NBEA: variants seen among roughly 807,000 people sequenced by gnomAD.
NBEA encodes the protein lysosomal-trafficking regulator 2.
In NBEA, 44 loss-of-function variants were observed where a neutral mutation model predicts 343.4. The ratio of observed to expected loss-of-function variants is 0.13; its 90% CI spans 0.10 to 0.16. The LOEUF (loss-of-function observed/expected upper bound fraction) is 0.16. Ranked by LOEUF, NBEA falls within the 10% of genes least tolerant of loss-of-function variation. The pLI, the probability that NBEA is intolerant of heterozygous loss-of-function variation, is 1.00. For missense variants in NBEA, 2,555 were observed against 3,631.3 expected (o/e 0.70, Z 7.62); for synonymous variants, 1,175 against 1,238.7 (o/e 0.95, Z 1.08).
chr13:35,034,864 A>G (rs1203060863), intron 1 of NBEA, among the ~76,000 whole-genome samples: 1 of 151,878 alleles, frequency 6.6e-6, no homozygotes, highest in Admixed American at 6.6e-5. Context: ...TTTTTGTAGT[A>G]TCAGTTGTAA....
chr13:35,422,750 T>A (rs1214847536), intron 38 of NBEA, among the ~76,000 whole-genome samples: 1 of 152,196 alleles, frequency 6.6e-6, no homozygotes, highest in Admixed American at 6.5e-5. Flanking sequence ...GTTGAACTAG[T>A]TTACAGTCCC....
At chr13:34,977,238 C>G (rs577360965) in intron 1 of NBEA, among the ~76,000 whole-genome samples, 1 of 151,982 alleles carries the variant, frequency 6.6e-6, no homozygotes, top group African/African-American at 2.4e-5. Flanking sequence ...CTGCGCCCAG[C>G]TAGACCTATT....
intron 18 of NBEA, among the ~76,000 whole-genome samples, chr13:35,143,368 T>C (rs1010367340): frequency 6.6e-6 from 1 of 152,196 alleles, no homozygotes; most frequent in African/African-American, 2.4e-5. Context: ...ACCACTTGTA[T>C]TGCCAAACCT....
intron 38 of NBEA, among the ~76,000 whole-genome samples, chr13:35,401,248 G>T (rs1157841144): frequency 6.6e-6 from 1 of 151,942 alleles, no homozygotes; most frequent in Non-Finnish European, 1.5e-5. Flanking sequence ...ATAGAGCAAT[G>T]ATAAGACAGA....
chr13:35,298,145 A>G (rs554727042), intron 35 of NBEA, among the ~76,000 whole-genome samples: 1 of 149,806 alleles, frequency 6.7e-6, no homozygotes, highest in Admixed American at 6.7e-5. Context: ...AGAAAATGTT[A>G]TTAAAAATAT....
intron 39 of NBEA, among the ~76,000 whole-genome samples, chr13:35,441,794 A>T (rs1232896640): frequency 4.6e-5 from 7 of 151,804 alleles, no homozygotes; most frequent in Admixed American, 4.6e-4. Flanking sequence ...GGAATGGAAA[A>T]AGGTTAAAAC....
At chr13:35,519,590 A>G (rs1463576665) in intron 41 of NBEA, among the ~76,000 whole-genome samples, 1 of 152,236 alleles carries the variant, frequency 6.6e-6, no homozygotes, top group Non-Finnish European at 1.5e-5. Flanking sequence ...TAATGTAGAC[A>G]TGAATATTTC....
intron 18 of NBEA, among the ~76,000 whole-genome samples, chr13:35,149,455 G>A (rs1429789275): frequency 6.6e-6 from 1 of 152,062 alleles, no homozygotes; most frequent in Non-Finnish European, 1.5e-5. Context: ...TGTATGTCAT[G>A]CCACTAATAA....
intron 36 of NBEA, among the ~76,000 whole-genome samples, chr13:35,344,200 T>C (rs889309091): frequency 6.6e-6 from 1 of 152,096 alleles, no homozygotes; most frequent in Non-Finnish European, 1.5e-5. Flanking sequence ...ACATAAAAAG[T>C]ATTTAGACTA....
At chr13:34,955,456 A>G (rs1336603573) in intron 1 of NBEA, among the ~76,000 whole-genome samples, 2 of 152,140 alleles carry the variant, frequency 1.3e-5, no homozygotes, top group African/African-American at 4.8e-5. Flanking sequence ...GGGAACATTA[A>G]TGGAGCTCCT....
chr13:35,041,271 T>C, intron 2 of NBEA, 107 bp downstream of exon 2: 1 of 947,306 alleles, frequency 1.1e-6, no homozygotes, highest in Non-Finnish European at 1.5e-6. Flanking sequence ...TACTTTGATT[T>C]AAAATAAATG....
intron 45 of NBEA, among the ~76,000 whole-genome samples, chr13:35,580,596 A>G (rs1593279518): frequency 6.6e-6 from 1 of 152,300 alleles, no homozygotes; most frequent in East Asian, 1.9e-4. Flanking sequence ...AGCAAATGTC[A>G]TCTATGACAA....
chr13:35,002,427 C>T (rs1014108163), intron 1 of NBEA, among the ~76,000 whole-genome samples: 3 of 152,152 alleles, frequency 2.0e-5, no homozygotes, highest in Non-Finnish European at 2.9e-5. Flanking sequence ...TTAGAAAGTA[C>T]TGGAGATGAG....
At chr13:35,317,924 T>A (rs547459107) in intron 36 of NBEA, among the ~76,000 whole-genome samples, 1 of 152,318 alleles carries the variant, frequency 6.6e-6, no homozygotes, top group East Asian at 1.9e-4. Flanking sequence ...TGTATAGGAA[T>A]GCTTGAGATT....
chr13:35,503,946 C>T (rs1208418359), intron 41 of NBEA, among the ~76,000 whole-genome samples: 2 of 151,616 alleles, frequency 1.3e-5, no homozygotes, highest in African/African-American at 2.4e-5. Flanking sequence ...TTGATTATTC[C>T]CTAAGAGAAA....
Position 35,655,593 on chromosome 13 carries a change from A to G in NBEA, c.8206A>G (p.Ile2736Val). 1 of 1,612,796 alleles carries G rather than the reference A, an allele frequency of 6.2e-7. No homozygotes were observed. Among genetic ancestry groups the G allele is most frequent in the Non-Finnish European group, 8.5e-7 (1 of 1,179,314 alleles). The change falls in exon 55 of 59, where the codon ATT becomes GTT. Residue 2736 changes from isoleucine (I) to valine (V), a missense_variant. By Grantham distance (29) the Ile-to-Val change is conservative. This residue lies in a region of NBEA where 186 missense variants were observed against 328.9 expected (regional missense o/e 0.57). Coordinates refer to ENST00000379939, the MANE Select transcript of NBEA (RefSeq NM_001385012.1). ...CTGTGTTGCAGGGAAATTGACTCAGATTGTATTTGGCCATTGGGATGTGGT... is the reference window on the plus strand; with the variant it reads ...CTGTGTTGCAGGGAAATTGACTCAGGTTGTATTTGGCCATTGGGATGTGGT... ...YSTETGKLTQ[I>V]VFGHWDVVTC...
At chr13:35,187,490 T>C (rs1313919433) in intron 30 of NBEA, among the ~76,000 whole-genome samples, 1 of 150,024 alleles carries the variant, frequency 6.7e-6, no homozygotes, top group East Asian at 1.9e-4. Context: ...TATTTTATAA[T>C]ATATAATAAC....
intron 36 of NBEA, among the ~76,000 whole-genome samples, chr13:35,336,576 A>G (rs1057361833): frequency 7.3e-6 from 1 of 137,678 alleles, no homozygotes; most frequent in African/African-American, 2.9e-5. Flanking sequence ...ATGCATGCAA[A>G]TGTTCACTGC....
At chr13:35,451,100 G>C (rs1254904738) in intron 39 of NBEA, among the ~76,000 whole-genome samples, 1 of 152,124 alleles carries the variant, frequency 6.6e-6, no homozygotes, top group Non-Finnish European at 1.5e-5. Flanking sequence ...ATTTTCATGT[G>C]TTTTGGTTTT....
Sources: allele counts gnomAD v4.1 joint callset (sites outside exome capture counted in the v4.1 genomes callset), GRCh38; gene constraint gnomAD v4.1.1; regional missense constraint gnomAD v4.1.1; transcripts MANE v1.5; gene names NCBI Gene and HGNC (gene_info 2026-07-23, HGNC 2026-07-21).